The following KCNK9 variants were observed in gnomAD, a reference collection of about 807,000 sequenced individuals.
The protein encoded by KCNK9 is potassium two pore domain channel subfamily K member 9.
In KCNK9, 1 loss-of-function variant was observed where a neutral mutation model predicts 10.8. That is an observed-to-expected ratio of 0.09 (90% CI 0.03 to 0.44). The LOEUF (loss-of-function observed/expected upper bound fraction) is 0.44, where lower values mean the gene tolerates loss of function less well. KCNK9 is among the 20% of genes least tolerant of loss of function. KCNK9 has a pLI of 0.97. For missense variants in KCNK9, 303 were observed against 515.0 expected (o/e 0.59, Z 3.98); for synonymous variants, 231 against 222.7 (o/e 1.04, Z -0.33).
In KCNK9 at chr8:139,693,876, A is replaced by T. The variant is rs551818573; in HGVS notation, c.283+8834T>A. Among the ~76,000 whole-genome samples the T allele has an allele frequency of 1.5e-3, 235 of 152,264 alleles. 1 individual carries two copies. The highest frequency in any genetic ancestry group is 6.8e-3 in the Middle Eastern group (2 of 294). On this transcript the variant is annotated intron_variant, in intron 1 of 1. Transcript: ENST00000520439. The surrounding 1 kb of genome is among the most constrained non-coding windows in gnomAD (Gnocchi z 4.1). ...AAGGTCACTGCAGTGGTGGAGTGGA[A>T]GGTGGTGTCCCAGGAAGCCATAGTA...
chr8:139,685,395 T>A (rs755153647), intron 1 of KCNK9, among the ~76,000 whole-genome samples: 5 of 152,296 alleles, frequency 3.3e-5, no homozygotes, highest in Admixed American at 2.0e-4. Context: ...AACTCGTCGT[T>A]TACATTAGGT....
downstream of KCNK9, chr8:139,612,482 A>G (rs1296601375): frequency 1.3e-5 from 2 of 152,210 alleles, no homozygotes; most frequent in Non-Finnish European, 2.9e-5. Flanking sequence ...GGACCCTCAC[A>G]TCGAGCGTTT....
At position 139,693,967 on chromosome 8, in the gene KCNK9, T is replaced by C. The variant is rs780880368; in HGVS notation, c.283+8743A>G. ...GAGCCAGGGCTTGTATTCCAGTCCA[T>C]AGCAATCCAACACAGAGACACCTTG... On this transcript the variant is annotated intron_variant, in intron 1 of 1. Coordinates refer to ENST00000520439, the MANE Select transcript of KCNK9 (RefSeq NM_001282534.2). This position sits in a 1 kb window ranked among gnomAD's most constrained non-coding sequence, Gnocchi z 4.1. 6.6e-6 allele frequency among the ~76,000 whole-genome samples: 1 copy of C among 152,068 alleles called. No homozygotes were observed. The highest frequency in any genetic ancestry group is 2.1e-4 in the South Asian group (1 of 4,824).
At chr8:139,645,935 C>T (rs1026789250) in intron 1 of KCNK9, among the ~76,000 whole-genome samples, 14 of 151,838 alleles carry the variant, frequency 9.2e-5, no homozygotes, top group Admixed American at 2.0e-4. Flanking sequence ...ACTATTGAGA[C>T]GGCACCCCAC....
At chr8:139,603,053 A>T (rs1245457991) in intron 2 of KCNK9, among the ~76,000 whole-genome samples, 1 of 152,236 alleles carries the variant, frequency 6.6e-6, no homozygotes, top group Non-Finnish European at 1.5e-5. Flanking sequence ...TACGGTTCTC[A>T]TCAGATCATC....
chr8:139,678,388 G>A (rs753880409), intron 1 of KCNK9, among the ~76,000 whole-genome samples: 18 of 152,156 alleles, frequency 1.2e-4, no homozygotes, highest in Non-Finnish European at 2.4e-4. Context: ...CCACAGCCCC[G>A]TGTCCACCCT....
intron 1 of KCNK9, among the ~76,000 whole-genome samples, chr8:139,633,936 G>A (rs1002718945): frequency 7.2e-5 from 11 of 152,370 alleles, no homozygotes; most frequent in African/African-American, 2.2e-4. Context: ...CAGAAGCCCT[G>A]TAACTATTCG....
At chr8:139,688,550 A>G (rs555354979) in intron 1 of KCNK9, among the ~76,000 whole-genome samples, 1 of 152,324 alleles carries the variant, frequency 6.6e-6, no homozygotes, top group East Asian at 1.9e-4. Flanking sequence ...CCCTTGACAC[A>G]TGGGGATTAC....
At chr8:139,646,464 G>A (rs1815686855) in intron 1 of KCNK9, among the ~76,000 whole-genome samples, 1 of 152,254 alleles carries the variant, frequency 6.6e-6, no homozygotes, top group South Asian at 2.1e-4. Flanking sequence ...CATGGAAGGA[G>A]GCCTCCAGGG....
chr8:139,696,232 A>T (rs1360831617), intron 1 of KCNK9, among the ~76,000 whole-genome samples: 3 of 152,122 alleles, frequency 2.0e-5, no homozygotes, highest in Admixed American at 2.0e-4. Context: ...GGCATTCAAG[A>T]GATGACTAGC....
intron 2 of KCNK9, among the ~76,000 whole-genome samples, chr8:139,605,273 C>G (rs1167133028): frequency 6.6e-6 from 1 of 152,234 alleles, no homozygotes; most frequent in African/African-American, 2.4e-5. Flanking sequence ...CAGTTGAGGT[C>G]AAACTCTTGG....
downstream of KCNK9, chr8:139,616,484 G>T (rs1402100910): frequency 6.6e-6 from 1 of 152,180 alleles, no homozygotes; most frequent in East Asian, 1.9e-4. Flanking sequence ...ATTTCAACAT[G>T]GGATGTAGCA....
At chr8:139,679,913 C>A (rs1384257925) in intron 1 of KCNK9, among the ~76,000 whole-genome samples, 1 of 152,222 alleles carries the variant, frequency 6.6e-6, no homozygotes, top group Non-Finnish European at 1.5e-5. Flanking sequence ...GGGTGCCTTT[C>A]TCATATGCAC....
intron 1 of KCNK9, among the ~76,000 whole-genome samples, chr8:139,700,534 A>ACG (rs1563757402): frequency 8.0e-6 from 1 of 124,550 alleles, no homozygotes; most frequent in African/African-American, 3.3e-5. Context: ...ACACACACAC[A>ACG]CACACGCGCG....
At chr8:139,653,950 G>A (rs1039924009) in intron 1 of KCNK9, among the ~76,000 whole-genome samples, 5 of 152,176 alleles carry the variant, frequency 3.3e-5, no homozygotes, top group African/African-American at 7.2e-5. Context: ...GCTAAGGCCC[G>A]TGTTCATTTC....
At chr8:139,610,954 A>T (rs1481262127), downstream of KCNK9, among the ~76,000 whole-genome samples, 6 of 152,258 alleles carry the variant, frequency 3.9e-5, no homozygotes, top group East Asian at 1.2e-3. Context: ...GCCTTGGCCC[A>T]TGCCTTTGCC....
At position 139,649,191 on chromosome 8, in the gene KCNK9, G is replaced by A. The variant is rs375369805; in HGVS notation, c.284-30092C>T. ...CTTTCACTGAAGATGGATGGACTCCGGTTAAATTATCCTTTTTCACTGTAA... is the reference window on the plus strand; with the variant it reads ...CTTTCACTGAAGATGGATGGACTCCAGTTAAATTATCCTTTTTCACTGTAA... On this transcript the variant is annotated intron_variant, in intron 1 of 1. Transcript: ENST00000520439. Among the ~76,000 whole-genome samples, 74 of 152,214 alleles carry A rather than the reference G, an allele frequency of 4.9e-4. No homozygotes were observed. The South Asian group carries it at 7.3e-3, about 15-fold the overall frequency.
chr8:139,642,568 C>T (rs754010176), intron 1 of KCNK9, among the ~76,000 whole-genome samples: 5 of 152,218 alleles, frequency 3.3e-5, no homozygotes, highest in Admixed American at 2.0e-4. Context: ...CAAAATAGGA[C>T]GCACTGCCCT....
chr8:139,645,616 C>A (rs1815652211), intron 1 of KCNK9, among the ~76,000 whole-genome samples: 1 of 152,124 alleles, frequency 6.6e-6, no homozygotes, highest in African/African-American at 2.4e-5. Flanking sequence ...GGTGACAGTC[C>A]CCTCCCTCCT....
Sources: gnomAD v4.1 joint callset for allele counts (sites outside exome capture counted in the v4.1 genomes callset) on GRCh38, gnomAD v4.1.1 for gene constraint, Gnocchi (gnomAD v3.1) non-coding constraint, MANE v1.5 for transcripts, NCBI Gene and HGNC (gene_info 2026-07-23, HGNC 2026-07-21) for gene names.